Variants in AFG2A observed in about 807,000 individuals in gnomAD.
AFG2A encodes the protein ATPase family gene 2 protein homolog A.
At chr4:123,223,735 C>T in the AFG2A span, among the ~76,000 whole-genome samples, 7 of 152,222 alleles carry the variant, frequency 4.6e-5, no homozygotes, top group African/African-American at 1.2e-4. Flanking sequence ...GAGATTTGGG[C>T]GGGGACCCAA....
At chr4:123,026,120 TGTGTGTG>T in the AFG2A span, among the ~76,000 whole-genome samples, 15 of 151,464 alleles carry the variant, frequency 9.9e-5, no homozygotes, top group Non-Finnish European at 7.4e-5. Context: ...TGTGTGTGTG[TGTGTGTG>T]TGTGTGTGTA....
the AFG2A span, chr4:122,934,798 A>G: frequency 4.0e-6 from 6 of 1,506,668 alleles, no homozygotes; most frequent in Non-Finnish European, 5.3e-6. Flanking sequence ...AAGACAGTTG[A>G]CACTTATGTA....
the AFG2A span, among the ~76,000 whole-genome samples, chr4:122,962,549 TG>T: frequency 6.6e-6 from 1 of 152,140 alleles, no homozygotes; most frequent in African/African-American, 2.4e-5. Flanking sequence ...GAAAAAGAGG[TG>T]GTAGTTTTGA....
the AFG2A span, among the ~76,000 whole-genome samples, chr4:122,971,351 G>A: frequency 6.6e-6 from 1 of 152,170 alleles, no homozygotes; most frequent in African/African-American, 2.4e-5. Flanking sequence ...AGGCTATAAT[G>A]AGCTGAGATT....
chr4:123,158,205 G>A, the AFG2A span, among the ~76,000 whole-genome samples: 8 of 152,294 alleles, frequency 5.3e-5, no homozygotes, highest in East Asian at 1.5e-3. Flanking sequence ...GCTTTGAGAA[G>A]ATAAAATGAC....
chr4:123,018,016 A>G, the AFG2A span, among the ~76,000 whole-genome samples: 1 of 152,202 alleles, frequency 6.6e-6, no homozygotes, highest in Non-Finnish European at 1.5e-5. Context: ...GAATTTGTCC[A>G]TAAAAGTATT....
the AFG2A span, among the ~76,000 whole-genome samples, chr4:123,002,460 G>A: frequency 6.6e-6 from 1 of 152,152 alleles, no homozygotes; most frequent in Non-Finnish European, 1.5e-5. Context: ...GCCTTTCCAT[G>A]TTTAGTGCTT....
chr4:122,945,349 C>G, the AFG2A span, among the ~76,000 whole-genome samples: 2 of 152,138 alleles, frequency 1.3e-5, no homozygotes, highest in African/African-American at 4.8e-5. Context: ...TGGGCAATGG[C>G]GGGCGCCCCT....
At chr4:123,179,200 G>C in the AFG2A span, among the ~76,000 whole-genome samples, 1 of 152,290 alleles carries the variant, frequency 6.6e-6, no homozygotes, top group South Asian at 2.1e-4. Context: ...TCCTTCAGAT[G>C]CCAGCAATCT....
At chr4:123,196,797 T>A in the AFG2A span, among the ~76,000 whole-genome samples, 1 of 152,190 alleles carries the variant, frequency 6.6e-6, no homozygotes, top group South Asian at 2.1e-4. Flanking sequence ...CTATGTATAG[T>A]GTTAATAAGA....
At chr4:123,262,942 G>T in the AFG2A span, among the ~76,000 whole-genome samples, 2 of 152,098 alleles carry the variant, frequency 1.3e-5, no homozygotes, top group African/African-American at 4.8e-5. Flanking sequence ...ATGGGCAGAT[G>T]GAAAGGCAGA....
the AFG2A span, chr4:122,928,978 A>G: frequency 1.3e-6 from 2 of 1,558,730 alleles, no homozygotes; most frequent in Non-Finnish European, 8.7e-7. Flanking sequence ...ATTCTACCTT[A>G]TAAATTGATG....
chr4:122,934,620 G>C, the AFG2A span: 1 of 1,613,924 alleles, frequency 6.2e-7, no homozygotes. Context: ...ATTCAAAAGA[G>C]CAAGACAACC....
the AFG2A span, among the ~76,000 whole-genome samples, chr4:123,076,958 C>CTGTG: frequency 1.4e-5 from 2 of 145,062 alleles, no homozygotes; most frequent in East Asian, 4.2e-4. Context: ...AAGCCCTGTG[C>CTGTG]TGTGTGTGTG....
At chr4:122,933,459 A>G in the AFG2A span, 1 of 1,612,494 alleles carries the variant, frequency 6.2e-7, no homozygotes, top group South Asian at 1.1e-5. Context: ...ATGGAAATTA[A>G]TGAAGAAGAA....
At chr4:123,169,864 A>G in the AFG2A span, among the ~76,000 whole-genome samples, 2 of 152,348 alleles carry the variant, frequency 1.3e-5, no homozygotes, top group East Asian at 3.9e-4. Flanking sequence ...TGTAAAATAG[A>G]TAAACGTAAC....
chr4:123,062,897 C>T, the AFG2A span, among the ~76,000 whole-genome samples: 1 of 152,144 alleles, frequency 6.6e-6, no homozygotes, highest in Non-Finnish European at 1.5e-5. Context: ...AGTTAGTTGG[C>T]ATTTCGGAAA....
the AFG2A span, among the ~76,000 whole-genome samples, chr4:123,230,983 G>C: frequency 9.2e-5 from 14 of 152,070 alleles, no homozygotes; most frequent in East Asian, 3.9e-4. Context: ...TGTCTTGCAG[G>C]CTTGGTTGTT....
At chr4:123,182,259 T>C in the AFG2A span, among the ~76,000 whole-genome samples, 5 of 152,148 alleles carry the variant, frequency 3.3e-5, no homozygotes, top group African/African-American at 1.2e-4. Flanking sequence ...GGAGAAAAAA[T>C]TTTAATTTAA....
Sources: gnomAD v4.1 joint callset for allele counts (sites outside exome capture counted in the v4.1 genomes callset) on GRCh38, gnomAD v4.1.1 for gene constraint, MANE v1.5 for transcripts, NCBI Gene and HGNC (gene_info 2026-07-23, HGNC 2026-07-21) for gene names.